CDC14A: variants seen among roughly 807,000 people sequenced by gnomAD.
The protein encoded by CDC14A is cell division cycle 14A, also known as dual specificity protein phosphatase CDC14A.
A neutral mutation model predicts 74.4 loss-of-function variants in CDC14A; 53 were observed. That is an observed-to-expected ratio of 0.71 (90% CI 0.57 to 0.89). CDC14A has a LOEUF of 0.89. Among genes scored for constraint, CDC14A ranks in the 40% least tolerant of loss-of-function variants. The pLI is 0.00. For synonymous variants in CDC14A, 247 were observed against 258.4 expected (o/e 0.96, Z 0.43); for missense variants, 646 against 713.7 (o/e 0.91, Z 1.08).
intron 6 of CDC14A, among the ~76,000 whole-genome samples, chr1:100,441,286 T>C (rs1664896195): frequency 6.6e-6 from 1 of 152,064 alleles, no homozygotes; most frequent in Non-Finnish European, 1.5e-5. Flanking sequence ...CAAAGACAAA[T>C]GAGATTTTGG....
chr1:100,469,438 A>G (rs1668172896), intron 10 of CDC14A, among the ~76,000 whole-genome samples: 1 of 152,244 alleles, frequency 6.6e-6, no homozygotes, highest in African/African-American at 2.4e-5. Context: ...AGGTACAAAT[A>G]AGATAATTCT....
intron 2 of CDC14A, among the ~76,000 whole-genome samples, chr1:100,375,084 G>T (rs1208949186): frequency 6.6e-6 from 1 of 152,150 alleles, no homozygotes; most frequent in African/African-American, 2.4e-5. Flanking sequence ...TGAGAGAAAG[G>T]TGTTCCCTAG....
At chr1:100,381,726 A>G (rs1477105808) in intron 3 of CDC14A, among the ~76,000 whole-genome samples, 1 of 152,210 alleles carries the variant, frequency 6.6e-6, no homozygotes, top group African/African-American at 2.4e-5. Flanking sequence ...AAATTATCCC[A>G]TCAAACATAT....
intron 7 of CDC14A, among the ~76,000 whole-genome samples, chr1:100,447,422 T>G (rs572395436): frequency 1.1e-3 from 172 of 152,276 alleles, no homozygotes; most frequent in Non-Finnish European, 1.9e-3. Flanking sequence ...AGACATGAAA[T>G]TTGGGCAGCT....
At chr1:100,509,789 G>GT (rs1649564594) in intron 15 of CDC14A, among the ~76,000 whole-genome samples, 1 of 152,236 alleles carries the variant, frequency 6.6e-6, no homozygotes, top group Admixed American at 6.5e-5. Flanking sequence ...GGAGAGAACT[G>GT]TTTTTATCAG....
chr1:100,490,198 T>G (rs1036561681), intron 11 of CDC14A, among the ~76,000 whole-genome samples: 3 of 152,228 alleles, frequency 2.0e-5, no homozygotes, highest in African/African-American at 7.2e-5. Flanking sequence ...AATATAAGGC[T>G]TATTATATTT....
chr1:100,476,250 T>G (rs1668887057), intron 10 of CDC14A, among the ~76,000 whole-genome samples: 1 of 152,142 alleles, frequency 6.6e-6, no homozygotes, highest in Non-Finnish European at 1.5e-5. Flanking sequence ...GTCAAGAGTT[T>G]GAGACCAGCC....
intron 4 of CDC14A, among the ~76,000 whole-genome samples, chr1:100,418,083 A>G (rs1321200384): frequency 6.6e-6 from 1 of 152,230 alleles, no homozygotes; most frequent in Non-Finnish European, 1.5e-5. Flanking sequence ...CTTTTCCTGT[A>G]AAATGAAAAT....
intron 3 of CDC14A, among the ~76,000 whole-genome samples, chr1:100,378,383 A>G (rs1018319666): frequency 6.6e-6 from 1 of 152,216 alleles, no homozygotes; most frequent in East Asian, 1.9e-4. Context: ...GAAAGACAAA[A>G]TGCTATACAG....
intron 3 of CDC14A, among the ~76,000 whole-genome samples, chr1:100,389,910 A>C (rs1328547557): frequency 6.6e-6 from 1 of 152,218 alleles, no homozygotes; most frequent in Non-Finnish European, 1.5e-5. Context: ...GAGGAAATCA[A>C]GCAGATTTCA....
chr1:100,497,827 A>G (rs987357929), intron 13 of CDC14A, among the ~76,000 whole-genome samples: 5 of 152,172 alleles, frequency 3.3e-5, no homozygotes, highest in African/African-American at 7.2e-5. Context: ...TTGTTTCCTC[A>G]CTTGTAAAGT....
chr1:100,436,924 A>G (rs1664408595), intron 5 of CDC14A, among the ~76,000 whole-genome samples: 1 of 152,168 alleles, frequency 6.6e-6, no homozygotes, highest in African/African-American at 2.4e-5. Context: ...AGTGGCTTAC[A>G]CCTGTAATCC....
At chr1:100,457,540 C>A (rs1666832382) in intron 8 of CDC14A, among the ~76,000 whole-genome samples, 1 of 151,890 alleles carries the variant, frequency 6.6e-6, no homozygotes, top group African/African-American at 2.4e-5. Flanking sequence ...CTCATTGCAA[C>A]CTTGAACTCC....
chr1:100,418,510 C>T (rs1023088898), intron 4 of CDC14A, among the ~76,000 whole-genome samples: 1 of 151,932 alleles, frequency 6.6e-6, no homozygotes, highest in South Asian at 2.1e-4. Flanking sequence ...CAGGCTGGGA[C>T]GATATCTTGG....
intron 4 of CDC14A, among the ~76,000 whole-genome samples, chr1:100,416,079 T>G (rs1177043137): frequency 6.6e-6 from 1 of 152,168 alleles, no homozygotes; most frequent in Non-Finnish European, 1.5e-5. Context: ...GAGAACCAAG[T>G]TTTGGGAGCC....
At chr1:100,464,792 T>C (rs1667631286) in intron 9 of CDC14A, among the ~76,000 whole-genome samples, 1 of 152,312 alleles carries the variant, frequency 6.6e-6, no homozygotes, top group East Asian at 1.9e-4. Flanking sequence ...CTGAGAGACC[T>C]TGTGCAAAGA....
chr1:100,491,572 A>ATGTTTTTTTTTTTTTTTTTTTTTTT (rs1418515078), intron 11 of CDC14A, among the ~76,000 whole-genome samples: 1 of 25,100 alleles, frequency 4.0e-5, no homozygotes, highest in African/African-American at 1.6e-4. Context: ...ATATATATAT[A>ATGTTTTTTTTTTTTTTTTTTTTTTT]TTTTTTTTTT....
chr1:100,517,999 A>G (rs779899567), intron 15 of CDC14A, among the ~76,000 whole-genome samples: 36 of 152,204 alleles, frequency 2.4e-4, no homozygotes, highest in Non-Finnish European at 5.0e-4. Flanking sequence ...TTAAAACTTA[A>G]TTTTTTAATC....
intron 4 of CDC14A, among the ~76,000 whole-genome samples, chr1:100,406,262 A>G (rs976975658): frequency 1.3e-5 from 2 of 152,098 alleles, no homozygotes; most frequent in African/African-American, 4.8e-5. Context: ...TAAGTTCCTT[A>G]CAGACTCTGG....
Sources: allele counts gnomAD v4.1 joint callset (sites outside exome capture counted in the v4.1 genomes callset), GRCh38; gene constraint gnomAD v4.1.1; transcripts MANE v1.5; gene names NCBI Gene and HGNC (gene_info 2026-07-23, HGNC 2026-07-21).